Variants in MGMT observed in about 807,000 individuals in gnomAD.
The protein encoded by MGMT is O-6-methylguanine-DNA methyltransferase.
MGMT carries 14 observed loss-of-function variants against 15.9 expected under a neutral mutation model. The observed-to-expected ratio is 0.88, with a 90% CI of 0.58 to 1.37. The LOEUF (loss-of-function observed/expected upper bound fraction) is 1.37. MGMT is among the 40% of genes most tolerant of loss of function. The pLI is 0.00. For synonymous variants in MGMT, 130 were observed against 118.2 expected, an observed-to-expected ratio of 1.10 and a Z score of -0.65; for missense variants, 282 against 268.1, an observed-to-expected ratio of 1.05 and a Z score of -0.36.
intron 2 of MGMT, among the ~76,000 whole-genome samples, chr10:129,644,474 G>C (rs1187976119): frequency 6.6e-6 from 1 of 152,222 alleles, no homozygotes; most frequent in Non-Finnish European, 1.5e-5. Flanking sequence ...AAGGAAACTA[G>C]TTGGGGACAG....
At chr10:129,567,124 A>C (rs955089357) in intron 2 of MGMT, among the ~76,000 whole-genome samples, 3 of 152,098 alleles carry the variant, frequency 2.0e-5, no homozygotes, top group Non-Finnish European at 4.4e-5. Context: ...TTTTCACCAG[A>C]AACAAATGCC....
chr10:129,615,496 T>C (rs1847014676), intron 2 of MGMT, among the ~76,000 whole-genome samples: 2 of 152,194 alleles, frequency 1.3e-5, no homozygotes, highest in African/African-American at 2.4e-5. Flanking sequence ...GTCTGTATGT[T>C]GGGAGCTGTC....
At chr10:129,739,588 C>T (rs1362453317) in intron 3 of MGMT, among the ~76,000 whole-genome samples, 1 of 152,132 alleles carries the variant, frequency 6.6e-6, no homozygotes, top group African/African-American at 2.4e-5. Flanking sequence ...CAGGTCAGAG[C>T]CCCTACGCCC....
chr10:129,759,838 C>G (rs1848851907), intron 4 of MGMT, among the ~76,000 whole-genome samples: 1 of 152,150 alleles, frequency 6.6e-6, no homozygotes. Flanking sequence ...AGGCCCAGGG[C>G]TCCCTGGGTC....
chr10:129,586,208 G>A (rs887148964), intron 2 of MGMT, among the ~76,000 whole-genome samples: 6 of 152,162 alleles, frequency 3.9e-5, no homozygotes, highest in Non-Finnish European at 8.8e-5. Context: ...AAGTAAAACT[G>A]TGGATAAAGG....
At chr10:129,590,290 C>A (rs1328691692) in intron 2 of MGMT, among the ~76,000 whole-genome samples, 1 of 152,190 alleles carries the variant, frequency 6.6e-6, no homozygotes, top group East Asian at 1.9e-4. Context: ...AGTTCAGTTG[C>A]TTTGAGCACA....
At chr10:129,527,026 G>A (rs1845877946) in intron 1 of MGMT, among the ~76,000 whole-genome samples, 1 of 152,234 alleles carries the variant, frequency 6.6e-6, no homozygotes, top group Admixed American at 6.5e-5. Context: ...ATGTGGTTTA[G>A]GTGGATGCCG....
At chr10:129,687,137 AT>A (rs1351235200) in intron 2 of MGMT, among the ~76,000 whole-genome samples, 1 of 149,108 alleles carries the variant, frequency 6.7e-6, no homozygotes, top group Non-Finnish European at 1.5e-5. Flanking sequence ...CAACGTTTTT[AT>A]TTTTTTATTT....
rs908447110 is a variant in MGMT, at chr10:129,769,214, C to T, written c.*2217C>T. The T allele has an allele frequency of 8.5e-5, 13 of 152,402 alleles. No homozygotes were observed. Among genetic ancestry groups the T allele is most frequent in the Admixed American group, 3.9e-4 (6 of 15,308 alleles). 9.4% of individuals were successfully genotyped at this position (152,402 alleles called of 1,614,324 possible). A position where few individuals can be genotyped will look rare whatever the true frequency, so the allele number is the denominator to read the frequency against. On this transcript the variant is annotated 3_prime_UTR_variant, in exon 5 of 5. Coordinates refer to ENST00000651593, the MANE Select transcript of MGMT (RefSeq NM_002412.5). The stretch of plus-strand genomic sequence containing the variant: ...TGTCAGAACAGGCTTGATAGATGCC[C>T]GGAGGTTCCCTCTGACAGCCGCAGC...
intron 2 of MGMT, among the ~76,000 whole-genome samples, chr10:129,584,972 T>C (rs1266670542): frequency 2.6e-5 from 4 of 151,956 alleles, no homozygotes; most frequent in East Asian, 3.9e-4. Flanking sequence ...GGGGTATATA[T>C]ACACACACAC....
intron 1 of MGMT, among the ~76,000 whole-genome samples, chr10:129,529,036 C>T (rs558936321): frequency 3.3e-5 from 5 of 151,786 alleles, no homozygotes; most frequent in Admixed American, 6.6e-5. Flanking sequence ...CTGTTTTCGG[C>T]GGCTTCTCTG....
chr10:129,646,754 A>ATT (rs1554873525), intron 2 of MGMT, among the ~76,000 whole-genome samples: 6 of 86,668 alleles, frequency 6.9e-5, no homozygotes, highest in African/African-American at 1.6e-4. Context: ...ATATATATAT[A>ATT]TTTTCAGGGA....
chr10:129,511,890 C>T (rs1326094575), intron 1 of MGMT, among the ~76,000 whole-genome samples: 1 of 152,230 alleles, frequency 6.6e-6, no homozygotes, highest in Non-Finnish European at 1.5e-5. Flanking sequence ...GCACTGGCCG[C>T]TGTGGAGGGA....
chr10:129,565,583 T>C (rs1846345103), intron 2 of MGMT, among the ~76,000 whole-genome samples: 1 of 152,196 alleles, frequency 6.6e-6, no homozygotes, highest in African/African-American at 2.4e-5. Context: ...TCTTGTTGCT[T>C]TGGATGTGGT....
chr10:129,655,903 C>T (rs927488091), intron 2 of MGMT, among the ~76,000 whole-genome samples: 3 of 152,290 alleles, frequency 2.0e-5, no homozygotes, highest in East Asian at 3.9e-4. Context: ...ACTGAAAGAA[C>T]GTGGATGAGA....
chr10:129,726,020 A>G (rs1293687864), intron 3 of MGMT, among the ~76,000 whole-genome samples: 2 of 152,036 alleles, frequency 1.3e-5, no homozygotes, highest in African/African-American at 4.8e-5. Flanking sequence ...TTGGGAGAGG[A>G]GTGTGTTCTG....
intron 3 of MGMT, among the ~76,000 whole-genome samples, chr10:129,752,182 A>G (rs972887148): frequency 6.6e-6 from 1 of 152,016 alleles, no homozygotes; most frequent in Non-Finnish European, 1.5e-5. Flanking sequence ...TGTAAGACAC[A>G]TATACATTTA....
chr10:129,687,962 C>T (rs554315517), intron 2 of MGMT, among the ~76,000 whole-genome samples: 8 of 152,120 alleles, frequency 5.3e-5, no homozygotes, highest in African/African-American at 1.7e-4. Context: ...GTTTTCTGTC[C>T]TTGCAATAGT....
chr10:129,689,741 G>T (rs1414813811), intron 2 of MGMT, among the ~76,000 whole-genome samples: 1 of 152,208 alleles, frequency 6.6e-6, no homozygotes, highest in African/African-American at 2.4e-5. Context: ...ATCCAACTCT[G>T]ATCAGCTTGG....
Sources: allele counts gnomAD v4.1 joint callset (sites outside exome capture counted in the v4.1 genomes callset), GRCh38; gene constraint gnomAD v4.1.1; transcripts MANE v1.5; gene names NCBI Gene and HGNC (gene_info 2026-07-23, HGNC 2026-07-21).